The following ZNF569 variants were observed in gnomAD, a reference collection of about 807,000 sequenced individuals.
ZNF569 encodes DNA-binding protein.
In ZNF569, 38 loss-of-function variants were observed where a neutral mutation model predicts 56.3. That is an observed-to-expected ratio of 0.68 (90% confidence interval 0.52 to 0.88). The LOEUF is 0.88. Among genes scored for constraint, ZNF569 ranks in the 40% least tolerant of loss-of-function variants. The pLI is 0.00. For missense variants in ZNF569, 666 were observed against 809.2 expected (o/e 0.82, Z 2.15); for synonymous variants, 241 against 262.9 (o/e 0.92, Z 0.81).
intron 5 of ZNF569, among the ~76,000 whole-genome samples, chr19:37,415,313 GA>G (rs1047652593): frequency 6.6e-6 from 1 of 151,832 alleles, no homozygotes; most frequent in Non-Finnish European, 1.5e-5. Context: ...TTGAAAAAAT[GA>G]AAAAATCAAG....
At chr19:37,468,519 G>C (rs1360137581), upstream of ZNF569, among the ~76,000 whole-genome samples, 1 of 151,042 alleles carries the variant, frequency 6.6e-6, no homozygotes, top group Non-Finnish European at 1.5e-5. Context: ...TTTTTAAGAC[G>C]GAGTCTTGCT....
In ZNF569 at chr19:37,414,540, T is replaced by G. The variant is rs914686755; in HGVS notation, c.239-121A>C. On this transcript the variant is annotated intron_variant, in intron 5 of 5. Transcript: ENST00000316950. ...ATTGGTTTAAGCCCTACTCTCCCAC[T>G]ATTAAAACATTTTCAACTGCATATA... is the stretch of plus-strand genomic sequence containing the variant. 17 of 1,398,036 alleles carry G rather than the reference T, an allele frequency of 1.2e-5. No individual in the cohort carries two copies. The African/African-American group carries it at 2.2e-4, about 18-fold the overall frequency. 86.6% of individuals were successfully genotyped at this position (1,398,036 alleles called of 1,614,324 possible).
At chr19:37,431,067 C>T (rs1424085618) in intron 3 of ZNF569, among the ~76,000 whole-genome samples, 1 of 152,166 alleles carries the variant, frequency 6.6e-6, no homozygotes, top group African/African-American at 2.4e-5. Flanking sequence ...AGCCTCACCA[C>T]CATGGGCTAA....
intron 5 of ZNF569, among the ~76,000 whole-genome samples, chr19:37,425,156 T>C (rs1279126625): frequency 6.6e-6 from 1 of 151,602 alleles, no homozygotes; most frequent in African/African-American, 2.4e-5. Context: ...TCTGAAAATA[T>C]ATATATATTT....
At chr19:37,425,075 C>A (rs896509738) in intron 5 of ZNF569, among the ~76,000 whole-genome samples, 1 of 151,768 alleles carries the variant, frequency 6.6e-6, no homozygotes. Flanking sequence ...GCCGAGATCG[C>A]GCCACTGTAC....
chr19:37,458,672 C>T (rs758323848), intron 2 of ZNF569, among the ~76,000 whole-genome samples: 14 of 152,104 alleles, frequency 9.2e-5, no homozygotes, highest in Non-Finnish European at 2.1e-4. Flanking sequence ...AGGGACTGGT[C>T]ATATGGTTTG....
rs752450843 is a variant in ZNF569 at position 37,413,386 on chromosome 19, G to A, written c.1272C>T (p.Asn424=). The A allele has an allele frequency of 2.5e-6, 4 of 1,611,184 alleles. No homozygotes were observed. The highest frequency in any genetic ancestry group is 1.7e-5 in the Admixed American group (1 of 59,298). The change falls in exon 6 of 6, where the codon AAC becomes AAT. Residue 424 remains asparagine, a synonymous_variant. Coordinates refer to ENST00000316950, the MANE Select transcript of ZNF569 (RefSeq NM_152484.3). ...ECRKAFSHKK[N]FITHQKIHTR... ...TATGAATTTTCTGGTGTGTAATGAA[G>A]TTTTTCTTGTGGCTGAAGGCTTTTC...
At chr19:37,424,815 CAAAAAAAA>C (rs71177448) in intron 5 of ZNF569, among the ~76,000 whole-genome samples, 1 of 33,554 alleles carries the variant, frequency 3.0e-5, no homozygotes, top group Admixed American at 3.4e-4. Flanking sequence ...GACTCTGTCT[CAAAAAAAA>C]AAAAAAAAAA....
At chr19:37,440,989 C>T (rs534408754) in intron 3 of ZNF569, among the ~76,000 whole-genome samples, 1 of 152,274 alleles carries the variant, frequency 6.6e-6, no homozygotes, top group South Asian at 2.1e-4. Flanking sequence ...TTGGCCTCTA[C>T]TCAGCACTCA....
chr19:37,468,873 C>T (rs555213259), upstream of ZNF569: 5 of 195,034 alleles, frequency 2.6e-5, no homozygotes, highest in African/African-American at 7.1e-5. Flanking sequence ...TGCATCCCCC[C>T]CACCCCGCTC....
At chr19:37,449,695 C>A (rs576531072) in intron 2 of ZNF569, among the ~76,000 whole-genome samples, 53 of 148,356 alleles carry the variant, frequency 3.6e-4, no homozygotes, top group Non-Finnish European at 6.5e-4. Flanking sequence ...ATATCATTTG[C>A]TTTTAATATA....
At chr19:37,457,270 A>G in intron 2 of ZNF569, among the ~76,000 whole-genome samples, 1 of 152,324 alleles carries the variant, frequency 6.6e-6, no homozygotes, top group South Asian at 2.1e-4. Context: ...AATATCCTTT[A>G]AAACCAATTT....
chr19:37,425,903 AC>A lies in ZNF569; in HGVS notation c.202del (p.Val68Ter). ...FKLEQEEEPW[V>X]MEEEVLRRHW... ...TCTCCTTAATACTTCTTCCTCCATC[AC>A]CCATGGTTCTTCTTCTTGCTCCAAT... On this transcript the variant is annotated frameshift_variant, in exon 5 of 6. Coordinates refer to ENST00000316950, the MANE Select transcript of ZNF569 (RefSeq NM_152484.3). LOFTEE classifies it high-confidence loss of function. 6.2e-7 allele frequency: 1 copy of A among 1,613,548 alleles called. No individual in the cohort carries two copies. Among genetic ancestry groups the A allele is most frequent in the Non-Finnish European group, 8.5e-7 (1 of 1,179,838 alleles).
chr19:37,461,239 T>C (rs2041752105), intron 2 of ZNF569, among the ~76,000 whole-genome samples: 1 of 152,078 alleles, frequency 6.6e-6, no homozygotes, highest in Admixed American at 6.6e-5. Context: ...TAGTTAGTAA[T>C]CATCCATGTT....
upstream of ZNF569, chr19:37,468,127 C>G: frequency 1.6e-6 from 1 of 618,414 alleles, no homozygotes; most frequent in African/African-American, 1.8e-5. Flanking sequence ...CTTTGTTGCC[C>G]AGGCTGGAGA....
chr19:37,464,876 G>C (rs2041807659), intron 2 of ZNF569, among the ~76,000 whole-genome samples: 1 of 152,078 alleles, frequency 6.6e-6, no homozygotes, highest in Non-Finnish European at 1.5e-5. Context: ...TTCTTAAATT[G>C]TAAGCAGATA....
chr19:37,466,252 C>T (rs562000197), intron 1 of ZNF569, among the ~76,000 whole-genome samples: 11 of 152,232 alleles, frequency 7.2e-5, no homozygotes, highest in African/African-American at 2.4e-4. Flanking sequence ...TTAGTAAGTA[C>T]ACAAAACAAC....
intron 5 of ZNF569, among the ~76,000 whole-genome samples, chr19:37,422,888 CA>C (rs113132117): frequency 0.15 from 23,393 of 152,028 alleles, 1,866 homozygotes; most frequent in Middle Eastern, 0.26. Context: ...GGACATAGCA[CA>C]AACCTCCAAG....
chr19:37,457,860 C>T (rs2041698327), intron 2 of ZNF569, among the ~76,000 whole-genome samples: 1 of 152,088 alleles, frequency 6.6e-6, no homozygotes, highest in Non-Finnish European at 1.5e-5. Flanking sequence ...CAAAATAAAA[C>T]TGGAAAATCT....
Sources: allele counts gnomAD v4.1 joint callset (sites outside exome capture counted in the v4.1 genomes callset), GRCh38; gene constraint gnomAD v4.1.1; transcripts MANE v1.5; gene names NCBI Gene and HGNC (gene_info 2026-07-23, HGNC 2026-07-21).